The following PAK4 variants were observed in gnomAD, a reference collection of about 807,000 sequenced individuals.
PAK4 encodes the protein p21 (RAC1) activated kinase 4.
PAK4 carries 49 observed loss-of-function variants against 53.5 expected under a neutral mutation model. The ratio of observed to expected loss-of-function variants is 0.92; its 90% CI spans 0.73 to 1.16. PAK4 has a LOEUF of 1.16. PAK4 is among the 50% of genes most tolerant of loss of function. The probability of loss-of-function intolerance (pLI) is 0.00; values close to 1 mark genes in which losing one functional copy is unlikely to be tolerated. For synonymous variants in PAK4, 376 were observed against 375.6 expected, an observed-to-expected ratio of 1.00 and a Z score of -0.01; for missense variants, 824 against 850.7, an observed-to-expected ratio of 0.97 and a Z score of 0.39.
Position 39,178,561 on chromosome 19 carries a change from C to A in PAK4, c.1758C>A (p.Arg586=). ...CTGCCAGCATCGTGCCCCTCATGCG[C>A]CAGAACCGCACCAGATGAGGCCCAG... Residue 586 remains arginine, a synonymous_variant, in exon 9 of 9, where the codon CGC becomes CGA. Coordinates refer to ENST00000358301, the Ensembl canonical transcript of PAK4. This position sits in a 1 kb window ranked among gnomAD's most constrained non-coding sequence, Gnocchi z 4.4. 2 of 1,605,528 alleles carry A rather than the reference C, an allele frequency of 1.2e-6. No individual in the cohort carries two copies. The highest frequency in any genetic ancestry group is 1.7e-6 in the Non-Finnish European group (2 of 1,175,980).
chr19:39,179,414 G>C (rs1358088553), downstream of PAK4: 1 of 136,710 alleles, frequency 7.3e-6, no homozygotes, highest in Non-Finnish European at 1.7e-5. Flanking sequence ...GTGTCTGTGT[G>C]CGATGTGTGG....
rs748729158 is a variant in PAK4 at position 39,173,975 on chromosome 19, C to T, written c.1063C>T (p.Arg355Cys). Reference sequence around the variant, plus strand: ...GGTGGCCGTCAAGAAGATGGACCTGCGCAAGCAGCAGAGGCGCGAGCTGCT... The same window carrying T: ...GGTGGCCGTCAAGAAGATGGACCTGTGCAAGCAGCAGAGGCGCGAGCTGCT... Residue 355 changes from arginine (R) to cysteine (C), a missense_variant, in exon 4 of 9, where the codon CGC becomes TGC. Transcript: ENST00000358301. This position sits in a 1 kb window ranked among gnomAD's most constrained non-coding sequence, Gnocchi z 6.9. 34 of 1,607,736 alleles carry T rather than the reference C, an allele frequency of 2.1e-5. 1 individual carries two copies. In the Middle Eastern group the frequency reaches 5.0e-4, roughly 23 times the overall value.
At chr19:39,180,591 C>T (rs1231709066), downstream of PAK4, 1 of 152,072 alleles carries the variant, frequency 6.6e-6, no homozygotes, top group African/African-American at 2.4e-5. Context: ...ATTACAGGCG[C>T]TTGCCACCAC....
chr19:39,165,134 A>G (rs556866919), intron 1 of PAK4, among the ~76,000 whole-genome samples: 1 of 151,338 alleles, frequency 6.6e-6, no homozygotes, highest in East Asian at 1.9e-4. Flanking sequence ...GTAGACAGAA[A>G]GAATGGGAAC....
rs895535873 is a variant in PAK4, at chr19:39,173,434, C to A, written c.663+58C>A. 1 of 1,411,716 alleles carries A rather than the reference C, an allele frequency of 7.1e-7. No individual in the cohort carries two copies. The highest frequency in any genetic ancestry group is 2.4e-5 in the East Asian group (1 of 41,462). The allele number at this position is 1,411,716 out of a possible 1,614,324, so 87.4% of individuals were successfully genotyped here. On this transcript the variant is annotated intron_variant, in intron 3 of 8. Coordinates refer to ENST00000358301, the Ensembl canonical transcript of PAK4. This position sits in a 1 kb window ranked among gnomAD's most constrained non-coding sequence, Gnocchi z 6.9. ...TCCCCTGCCCGTTGCTCCTCTGTCCCCACCTTCCAGCCCCGCCCCACCACC... is the reference window on the plus strand; with the variant it reads ...TCCCCTGCCCGTTGCTCCTCTGTCCACACCTTCCAGCCCCGCCCCACCACC...
At chr19:39,155,797 C>T (rs930077024) in intron 1 of PAK4, among the ~76,000 whole-genome samples, 53 of 152,292 alleles carry the variant, frequency 3.5e-4, no homozygotes, top group African/African-American at 1.1e-3. Flanking sequence ...TCCGCCTCTC[C>T]GCGCCTCAGT....
At chr19:39,167,033 G>A (rs538427333) in intron 1 of PAK4, among the ~76,000 whole-genome samples, 14 of 152,342 alleles carry the variant, frequency 9.2e-5, no homozygotes, top group African/African-American at 2.6e-4. Flanking sequence ...GCCAGGCGTC[G>A]GAGGACATCC....
intron 1 of PAK4, among the ~76,000 whole-genome samples, chr19:39,130,224 G>T (rs1022683750): frequency 9.3e-6 from 1 of 107,264 alleles, no homozygotes; most frequent in Non-Finnish European, 2.0e-5. Flanking sequence ...GAGGGATCAG[G>T]GTGGGACTGG....
downstream of PAK4, chr19:39,181,076 T>G (rs1056619686): frequency 6.9e-6 from 1 of 144,028 alleles, no homozygotes; most frequent in Non-Finnish European, 1.6e-5. Context: ...ACTGCAGGTT[T>G]GTTTTGTTTT....
At chr19:39,179,674 A>G (rs551850884), downstream of PAK4, 10 of 152,360 alleles carry the variant, frequency 6.6e-5, no homozygotes, top group East Asian at 1.9e-3. Context: ...CCAAATCTGC[A>G]ATTTCCTGGA....
intron 2 of PAK4, among the ~76,000 whole-genome samples, chr19:39,172,471 G>C (rs2074500778): frequency 6.6e-6 from 1 of 152,124 alleles, no homozygotes; most frequent in Non-Finnish European, 1.5e-5. Flanking sequence ...GGAGCAGAGA[G>C]TGTGGTTTTG....
At position 39,138,339 on chromosome 19, in the gene PAK4, C is replaced by T. The variant is rs76821866; in HGVS notation, c.-23+12420C>T. Reference sequence around the variant, plus strand: ...AAGTGCTGGGATTACAGGCATGAGCCACTGTAATGGGCATCCAGCCCATTC... The same window carrying T: ...AAGTGCTGGGATTACAGGCATGAGCTACTGTAATGGGCATCCAGCCCATTC... On this transcript the variant is annotated intron_variant, in intron 1 of 8. Transcript: ENST00000358301. 9.1e-3 allele frequency among the ~76,000 whole-genome samples: 1,386 copies of T among 152,298 alleles called. 29 individuals carry two copies. Among genetic ancestry groups the T allele is most frequent in the African/African-American group, 0.029 (1,225 of 41,554 alleles).
chr19:39,164,719 C>T (rs2074340915), intron 1 of PAK4, among the ~76,000 whole-genome samples: 1 of 152,156 alleles, frequency 6.6e-6, no homozygotes, highest in East Asian at 1.9e-4. Flanking sequence ...GCTTCCAGGC[C>T]CAGCTCTGCT....
At chr19:39,144,002 T>C (rs2073955378) in intron 1 of PAK4, among the ~76,000 whole-genome samples, 3 of 151,576 alleles carry the variant, frequency 2.0e-5, no homozygotes. Flanking sequence ...TGAGCTCTGA[T>C]TGCACCACTA....
intron 1 of PAK4, among the ~76,000 whole-genome samples, chr19:39,167,507 A>G (rs1379999415): frequency 6.6e-6 from 1 of 151,946 alleles, no homozygotes; most frequent in Non-Finnish European, 1.5e-5. Context: ...GGGCGCCAGC[A>G]TTGGGCTCAG....
At chr19:39,171,495 T>G (rs2074478415) in intron 2 of PAK4, among the ~76,000 whole-genome samples, 1 of 152,208 alleles carries the variant, frequency 6.6e-6, no homozygotes, top group Non-Finnish European at 1.5e-5. Context: ...AGCCACTGCT[T>G]CTTGCCTCAA....
chr19:39,135,500 T>C (rs1341794078), intron 1 of PAK4, among the ~76,000 whole-genome samples: 1 of 151,824 alleles, frequency 6.6e-6, no homozygotes, highest in Non-Finnish European at 1.5e-5. Context: ...CACGCACGGC[T>C]AATTTTGTAT....
At position 39,173,864 on chromosome 19, in the gene PAK4, C is replaced by T. The variant is rs752622915; in HGVS notation, c.952C>T (p.Arg318Cys). ...GCTGGTGGTGGACCCAGGCGACCCCCGCTCCTACCTGGACAACTTCATCAA... is the reference window on the plus strand; with the variant it reads ...GCTGGTGGTGGACCCAGGCGACCCCTGCTCCTACCTGGACAACTTCATCAA... Residue 318 changes from arginine (R) to cysteine (C), a missense_variant, in exon 4 of 9, where the codon CGC (arginine) becomes TGC (cysteine). By Grantham distance (180) the Arg-to-Cys change is radical. Transcript: ENST00000358301. This position sits in a 1 kb window ranked among gnomAD's most constrained non-coding sequence, Gnocchi z 6.9. 7.4e-6 allele frequency: 12 copies of T among 1,612,662 alleles called. No individual in the cohort carries two copies. The highest frequency in any genetic ancestry group is 1.7e-5 in the Admixed American group (1 of 59,984).
chr19:39,148,465 G>GTTTTTTTTTTTTT (rs1568506439), intron 1 of PAK4, among the ~76,000 whole-genome samples: 7 of 9,126 alleles, frequency 7.7e-4, no homozygotes, highest in East Asian at 4.1e-3. Flanking sequence ...AGTTTCTTCT[G>GTTTTTTTTTTTTT]CTTTTTTTTT....
Sources: gnomAD v4.1 joint callset for allele counts (sites outside exome capture counted in the v4.1 genomes callset) on GRCh38, gnomAD v4.1.1 for gene constraint, Gnocchi (gnomAD v3.1) non-coding constraint, MANE v1.5 for transcripts, NCBI Gene and HGNC (gene_info 2026-07-23, HGNC 2026-07-21) for gene names.